DLG2: variants seen among roughly 807,000 people sequenced by gnomAD.
DLG2 encodes the protein discs large MAGUK scaffold protein 2.
In DLG2, 45 loss-of-function variants were observed where a neutral mutation model predicts 132.5. The observed-to-expected ratio is 0.34, with a 90% CI of 0.27 to 0.44. The LOEUF is 0.44. DLG2 is among the 20% of genes least tolerant of loss of function. The pLI, the probability that DLG2 is intolerant of heterozygous loss-of-function variation, is 1.00. For synonymous variants in DLG2, 424 were observed against 419.6 expected (o/e 1.01, Z -0.13); for missense variants, 1,045 against 1,196.9 (o/e 0.87, Z 1.87).
At chr11:85,430,497 T>A (rs962095816) in intron 3 of DLG2, among the ~76,000 whole-genome samples, 2 of 152,072 alleles carry the variant, frequency 1.3e-5, no homozygotes, top group Non-Finnish European at 2.9e-5. Context: ...CTATTGAACA[T>A]AATATTCTGA....
intron 7 of DLG2, among the ~76,000 whole-genome samples, chr11:84,452,865 A>G (rs1474400212): frequency 6.6e-6 from 1 of 151,734 alleles, no homozygotes; most frequent in East Asian, 1.9e-4. Context: ...TCTACAATGT[A>G]GCAAGACCCC....
intron 3 of DLG2, among the ~76,000 whole-genome samples, chr11:85,304,794 C>G (rs1303263077): frequency 6.6e-6 from 1 of 152,272 alleles, no homozygotes; most frequent in East Asian, 1.9e-4. Flanking sequence ...GAAGTCATTG[C>G]TGACTTTAAG....
chr11:84,535,413 A>T (rs2099353004), intron 6 of DLG2, among the ~76,000 whole-genome samples: 1 of 152,224 alleles, frequency 6.6e-6, no homozygotes, highest in Non-Finnish European at 1.5e-5. Flanking sequence ...CCTATATTGT[A>T]TGGCTCCCTG....
At chr11:83,880,451 C>A (rs1040650315) in intron 15 of DLG2, among the ~76,000 whole-genome samples, 4 of 152,130 alleles carry the variant, frequency 2.6e-5, no homozygotes, top group African/African-American at 4.8e-5. Context: ...GGAGAAGACA[C>A]TTTGATTCCA....
At position 83,804,523 on chromosome 11, in the gene DLG2, T is replaced by C. The variant is rs2045389523; in HGVS notation, c.1723-17731A>G. On this transcript the variant is annotated intron_variant, in intron 17 of 27. Coordinates refer to ENST00000376104, the MANE Select transcript of DLG2 (RefSeq NM_001142699.3). ...TCTTAACATTTTGGTACATTTGTTC[T>C]CCCTCTCTTCCTCCTTCTCACTCTC... Among the ~76,000 whole-genome samples the C allele has an allele frequency of 2.0e-5, 3 of 151,232 alleles. 1 individual carries two copies. In the South Asian group the frequency reaches 6.2e-4, roughly 31 times the overall value.
chr11:84,597,337 G>T (rs937948724), intron 6 of DLG2, among the ~76,000 whole-genome samples: 1 of 152,182 alleles, frequency 6.6e-6, no homozygotes, highest in African/African-American at 2.4e-5. Flanking sequence ...GATAGAGGAA[G>T]TACTTGTATT....
intron 6 of DLG2, among the ~76,000 whole-genome samples, chr11:84,702,842 A>T (rs560885317): frequency 6.6e-6 from 1 of 151,754 alleles, no homozygotes; most frequent in East Asian, 2.0e-4. Context: ...TATTTTCTTC[A>T]TCATTGCCTT....
At chr11:84,737,502 CAG>C (rs34535735) in intron 6 of DLG2, among the ~76,000 whole-genome samples, 3,639 of 146,682 alleles carry the variant, frequency 0.025, 148 homozygotes, top group African/African-American at 0.084. Flanking sequence ...AAGAAAGAGA[CAG>C]AGAGAGAGAG....
chr11:84,600,214 A>AAGAAAGAAAG (rs1350185992), intron 6 of DLG2, among the ~76,000 whole-genome samples: 1 of 136,524 alleles, frequency 7.3e-6, no homozygotes, highest in African/African-American at 3.1e-5. Context: ...GAAAGAAAGA[A>AAGAAAGAAAG]AGAAAGAAAG....
At chr11:83,949,744 T>C (rs1218357533) in intron 14 of DLG2, among the ~76,000 whole-genome samples, 3 of 152,166 alleles carry the variant, frequency 2.0e-5, no homozygotes, top group African/African-American at 7.2e-5. Flanking sequence ...ATCTTCGTGT[T>C]TCCCCCTTGA....
chr11:84,365,711 G>A (rs2098678166), intron 7 of DLG2, among the ~76,000 whole-genome samples: 1 of 151,662 alleles, frequency 6.6e-6, no homozygotes, highest in Admixed American at 6.6e-5. Context: ...GGTATGTTGT[G>A]TCTTTGTTCT....
intron 18 of DLG2, among the ~76,000 whole-genome samples, chr11:83,660,897 T>A (rs1441706630): frequency 6.6e-6 from 1 of 151,898 alleles, no homozygotes; most frequent in Non-Finnish European, 1.5e-5. Flanking sequence ...TTCTTCTGAC[T>A]CCCCCCATAA....
At chr11:85,510,825 G>C (rs2094047532) in intron 3 of DLG2, among the ~76,000 whole-genome samples, 1 of 152,118 alleles carries the variant, frequency 6.6e-6, no homozygotes, top group Non-Finnish European at 1.5e-5. Context: ...GATTCCTCAG[G>C]GATCTAGAAC....
intron 19 of DLG2, among the ~76,000 whole-genome samples, chr11:83,550,529 A>G (rs1004547850): frequency 4.6e-5 from 7 of 152,138 alleles, no homozygotes; most frequent in African/African-American, 1.7e-4. Flanking sequence ...TATCTGAGGG[A>G]AACAGAGGCA....
At chr11:84,159,024 T>A (rs994116331) in intron 9 of DLG2, among the ~76,000 whole-genome samples, 1 of 152,196 alleles carries the variant, frequency 6.6e-6, no homozygotes, top group African/African-American at 2.4e-5. Context: ...GTTAAGTATG[T>A]AGTTCAAGGT....
chr11:84,308,670 C>G (rs551872678), intron 7 of DLG2, among the ~76,000 whole-genome samples: 1 of 152,124 alleles, frequency 6.6e-6, no homozygotes, highest in Non-Finnish European at 1.5e-5. Context: ...GGCATGGTCC[C>G]GAGCCCTGCC....
At chr11:85,265,040 A>T (rs573553378) in intron 4 of DLG2, among the ~76,000 whole-genome samples, 1 of 152,298 alleles carries the variant, frequency 6.6e-6, no homozygotes, top group East Asian at 1.9e-4. Context: ...TTCAAATGTC[A>T]TGTATTTGCA....
intron 19 of DLG2, among the ~76,000 whole-genome samples, chr11:83,604,239 T>C (rs1566014767): frequency 1.3e-5 from 2 of 152,228 alleles, no homozygotes; most frequent in Non-Finnish European, 2.9e-5. Flanking sequence ...ATATTCACAA[T>C]GACAATGCTT....
At position 85,119,532 on chromosome 11, in the gene DLG2, G is replaced by C. The variant is rs567461269; in HGVS notation, c.283-7797C>G. Among the ~76,000 whole-genome samples, 5 of 152,088 alleles carry C rather than the reference G, an allele frequency of 3.3e-5. No homozygotes were observed. In the South Asian group the frequency reaches 1.0e-3, roughly 31 times the overall value. ...TCAGATGAGAAAAACGGAATGGGCT[G>C]TAATTGTACTTTTCTCCTTGCAAAA... On this transcript the variant is annotated intron_variant, in intron 5 of 27. Transcript: ENST00000376104.
Sources: allele counts gnomAD v4.1 joint callset (sites outside exome capture counted in the v4.1 genomes callset), GRCh38; gene constraint gnomAD v4.1.1; transcripts MANE v1.5; gene names NCBI Gene and HGNC (gene_info 2026-07-23, HGNC 2026-07-21).